ADGRL3: variants seen among roughly 807,000 people sequenced by gnomAD.
ADGRL3 encodes adhesion G protein-coupled receptor L3.
A neutral mutation model predicts 153.5 loss-of-function variants in ADGRL3; 62 were observed. The ratio of observed to expected loss-of-function variants is 0.40; its 90% CI spans 0.33 to 0.50. The LOEUF (loss-of-function observed/expected upper bound fraction) is 0.50. Among genes scored for constraint, ADGRL3 ranks in the 20% least tolerant of loss-of-function variants. The pLI is 0.47. For synonymous variants in ADGRL3, 710 were observed against 672.5 expected (o/e 1.06, Z -0.86); for missense variants, 1,641 against 1,859.4 (o/e 0.88, Z 2.16).
At chr4:61,203,284 C>T (rs187760550) in intron 1 of ADGRL3, among the ~76,000 whole-genome samples, 2 of 152,330 alleles carry the variant, frequency 1.3e-5, no homozygotes, top group East Asian at 1.9e-4. Flanking sequence ...TTGCGAGCCA[C>T]CTCCAGGGTG....
intron 1 of ADGRL3, among the ~76,000 whole-genome samples, chr4:61,368,715 C>CT (rs1189895701): frequency 1.3e-5 from 2 of 152,192 alleles, no homozygotes; most frequent in Admixed American, 1.3e-4. Context: ...AATGCGGGCT[C>CT]TTTTTTGGTT....
intron 1 of ADGRL3, among the ~76,000 whole-genome samples, chr4:61,303,956 C>T (rs918277240): frequency 6.6e-6 from 1 of 152,168 alleles, no homozygotes; most frequent in South Asian, 2.1e-4. Context: ...GTCCTATTCA[C>T]AAGGCATCCT....
At chr4:61,953,542 C>T (rs2098955212) in intron 17 of ADGRL3, among the ~76,000 whole-genome samples, 1 of 152,184 alleles carries the variant, frequency 6.6e-6, no homozygotes, top group Non-Finnish European at 1.5e-5. Flanking sequence ...AATGTAACTT[C>T]CTCCTTCCTA....
At chr4:61,527,288 T>C (rs986094894) in intron 4 of ADGRL3, among the ~76,000 whole-genome samples, 1 of 152,104 alleles carries the variant, frequency 6.6e-6, no homozygotes, top group African/African-American at 2.4e-5. Context: ...TAATTATGTC[T>C]AATGGGAGAT....
chr4:61,532,534 G>C lies in ADGRL3; in HGVS notation c.259+15016G>C, dbSNP rs571803488. ...CTTGTTTCTGCAGGATGCTGCATGCGCGCGCGCGCGCGCGCGCGCGCGTGT... is the reference window on the plus strand; with the variant it reads ...CTTGTTTCTGCAGGATGCTGCATGCCCGCGCGCGCGCGCGCGCGCGCGTGT... On this transcript the variant is annotated intron_variant, in intron 4 of 26. Coordinates refer to ENST00000683033, the MANE Select transcript of ADGRL3 (RefSeq NM_001387552.1). Among the ~76,000 whole-genome samples the C allele has an allele frequency of 3.5e-4, 45 of 128,262 alleles. 1 individual carries two copies. The highest frequency in any genetic ancestry group is 1.5e-3 in the African/African-American group (44 of 29,368). The allele number at this position is 128,262 out of a possible 152,430, so 84.1% of individuals were successfully genotyped here.
chr4:61,726,216 T>TTTTTTTTTTTTTTTTTTTTTTTTTTTAAG (rs1384390790), intron 6 of ADGRL3, among the ~76,000 whole-genome samples: 1 of 148,840 alleles, frequency 6.7e-6, no homozygotes, highest in Non-Finnish European at 1.5e-5. Context: ...TTTTGTTTTT[T>TTTTTTTTTTTTTTTTTTTTTTTTTTTAAG]GAGAAGGAGT....
intron 3 of ADGRL3, among the ~76,000 whole-genome samples, chr4:61,511,567 T>C (rs2098463810): frequency 6.6e-6 from 1 of 152,226 alleles, no homozygotes; most frequent in South Asian, 2.1e-4. Context: ...TATCTTACTA[T>C]TTATTTTATT....
At chr4:61,547,080 T>C (rs748125967) in intron 4 of ADGRL3, among the ~76,000 whole-genome samples, 1 of 152,138 alleles carries the variant, frequency 6.6e-6, no homozygotes, top group Admixed American at 6.5e-5. Context: ...GAAAGCATTG[T>C]GTATTTCTTT....
At chr4:61,772,132 T>C (rs540153731) in intron 8 of ADGRL3, among the ~76,000 whole-genome samples, 1 of 152,278 alleles carries the variant, frequency 6.6e-6, no homozygotes, top group Non-Finnish European at 1.5e-5. Context: ...GGATCAATAA[T>C]CACTGAGTAC....
intron 1 of ADGRL3, among the ~76,000 whole-genome samples, chr4:61,354,203 A>T (rs2096115818): frequency 6.6e-6 from 1 of 152,198 alleles, no homozygotes; most frequent in Non-Finnish European, 1.5e-5. Context: ...GTACAGATAA[A>T]TTAAATGGCT....
chr4:61,307,884 A>G (rs1467682984), intron 1 of ADGRL3, among the ~76,000 whole-genome samples: 1 of 152,140 alleles, frequency 6.6e-6, no homozygotes, highest in Non-Finnish European at 1.5e-5. Context: ...CCTCTCTGTC[A>G]TTTCTCAACT....
intron 19 of ADGRL3, among the ~76,000 whole-genome samples, chr4:61,989,208 T>G (rs2099095796): frequency 6.6e-6 from 1 of 152,122 alleles, no homozygotes; most frequent in Admixed American, 6.5e-5. Context: ...ATATGCAAGT[T>G]ATATGCATAG....
rs527507018 is a variant in ADGRL3 at position 61,818,386 on chromosome 4, G to T, written c.1480+4497G>T. On this transcript the variant is annotated intron_variant, in intron 9 of 26. Transcript: ENST00000683033. The stretch of plus-strand genomic sequence containing the variant: ...TGGGCAGCTCCACCCCTGTGACTTT[G>T]CAGGGCACAGCCCTTTATGAGCTGG... Among the ~76,000 whole-genome samples the T allele has an allele frequency of 9.2e-5, 14 of 152,300 alleles. No homozygotes were observed. In the South Asian group the frequency reaches 2.9e-3, roughly 32 times the overall value.
At chr4:61,936,781 T>TACACACACACACAC (rs71666904) in intron 15 of ADGRL3, among the ~76,000 whole-genome samples, 25,100 of 138,442 alleles carry the variant, frequency 0.18, 2,472 homozygotes, top group Middle Eastern at 0.25. Context: ...TACATATGCA[T>TACACACACACACAC]ACACACACAC....
At chr4:61,431,657 T>C (rs934145006) in intron 2 of ADGRL3, among the ~76,000 whole-genome samples, 7 of 152,262 alleles carry the variant, frequency 4.6e-5, no homozygotes, top group East Asian at 1.9e-4. Flanking sequence ...TAAGAAATTA[T>C]TGGGATAGAA....
intron 2 of ADGRL3, among the ~76,000 whole-genome samples, chr4:61,412,732 A>T (rs1317179412): frequency 6.6e-6 from 1 of 151,922 alleles, no homozygotes. Context: ...TGTTGTTTTA[A>T]TATAGGTTAT....
At position 61,719,274 on chromosome 4, in the gene ADGRL3, C is replaced by T. The variant is rs2096188694; in HGVS notation, c.584-11348C>T. Among the ~76,000 whole-genome samples, 2 of 151,888 alleles carry T rather than the reference C, an allele frequency of 1.3e-5. 1 individual carries two copies. Among genetic ancestry groups the T allele is most frequent in the South Asian group, 4.2e-4 (2 of 4,798 alleles). On this transcript the variant is annotated intron_variant, in intron 6 of 26. Transcript: ENST00000683033. ...CATGCAATTCTTGTATTAAATATCCCAATACTACAGAACTAAATCCATCAT... is the reference window on the plus strand; with the variant it reads ...CATGCAATTCTTGTATTAAATATCCTAATACTACAGAACTAAATCCATCAT...
intron 5 of ADGRL3, among the ~76,000 whole-genome samples, chr4:61,642,271 T>C (rs1188407962): frequency 6.6e-6 from 1 of 152,192 alleles, no homozygotes; most frequent in Non-Finnish European, 1.5e-5. Flanking sequence ...TCTTTTGCTG[T>C]GCAGAAGCTC....
chr4:61,398,018 T>C (rs920394332), intron 2 of ADGRL3, among the ~76,000 whole-genome samples: 1 of 151,880 alleles, frequency 6.6e-6, no homozygotes. Flanking sequence ...GTAGATGTCT[T>C]TATCACACTC....
Sources: gnomAD v4.1 joint callset for allele counts (sites outside exome capture counted in the v4.1 genomes callset) on GRCh38, gnomAD v4.1.1 for gene constraint, MANE v1.5 for transcripts, NCBI Gene and HGNC (gene_info 2026-07-23, HGNC 2026-07-21) for gene names.